Variants in ST6GALNAC5 observed in about 807,000 individuals in gnomAD.
The protein encoded by ST6GALNAC5 is alpha-N-acetylgalactosaminide alpha-2,6-sialyltransferase 5.
ST6GALNAC5 carries 27 observed loss-of-function variants against 33.6 expected under a neutral mutation model. That is an observed-to-expected ratio of 0.80 (90% CI 0.59 to 1.11). The LOEUF (loss-of-function observed/expected upper bound fraction) is 1.11, where lower values mean the gene tolerates loss of function less well. ST6GALNAC5 is among the 50% of genes least tolerant of loss of function. The pLI is 0.00. For synonymous variants in ST6GALNAC5, 194 were observed against 171.2 expected (o/e 1.13, Z -1.04); for missense variants, 428 against 454.0 (o/e 0.94, Z 0.52).
chr1:76,985,315 A>C (rs1649444576), intron 2 of ST6GALNAC5, among the ~76,000 whole-genome samples: 1 of 152,252 alleles, frequency 6.6e-6, no homozygotes, highest in Admixed American at 6.5e-5. Context: ...CTTCAGCAAA[A>C]TCTCAGGATA....
intron 2 of ST6GALNAC5, among the ~76,000 whole-genome samples, chr1:76,893,238 G>C (rs1308859310): frequency 6.6e-6 from 1 of 152,078 alleles, no homozygotes; most frequent in East Asian, 1.9e-4. Context: ...AAAGAGGAAG[G>C]GTGTGCAGGA....
chr1:76,876,864 G>A (rs1653652448), intron 2 of ST6GALNAC5, among the ~76,000 whole-genome samples: 1 of 152,142 alleles, frequency 6.6e-6, no homozygotes, highest in Admixed American at 6.5e-5. Context: ...CTGATCATAG[G>A]GAACTCCCCA....
intron 2 of ST6GALNAC5, among the ~76,000 whole-genome samples, chr1:76,976,463 T>C (rs909637092): frequency 6.6e-6 from 1 of 152,180 alleles, no homozygotes; most frequent in African/African-American, 2.4e-5. Context: ...TTATTTGTCT[T>C]GGCTCAGAAA....
Position 77,026,528 on chromosome 1 carries a change from C to T in ST6GALNAC5, c.262-17676C>T, listed in dbSNP as rs1156788211. On this transcript the variant is annotated intron_variant, in intron 2 of 4. Coordinates refer to ENST00000477717, the MANE Select transcript of ST6GALNAC5 (RefSeq NM_030965.3). ...GAGGGGTTCAGAGGGCTAAGCTTAC[C>T]AACCCCCCAGAAGAGGGGACACATA... 2.9e-5 allele frequency among the ~76,000 whole-genome samples: 4 copies of T among 139,534 alleles called. No individual in the cohort carries two copies. In the East Asian group the frequency reaches 7.9e-4, roughly 28 times the overall value. The allele number at this position is 139,534 out of a possible 152,430, so 91.5% of individuals were successfully genotyped here. A position where few individuals can be genotyped will look rare whatever the true frequency, so the allele number is the denominator to read the frequency against.
At chr1:76,959,620 G>C (rs1557737378) in intron 2 of ST6GALNAC5, among the ~76,000 whole-genome samples, 1 of 152,216 alleles carries the variant, frequency 6.6e-6, no homozygotes, top group Non-Finnish European at 1.5e-5. Flanking sequence ...AGTTTCTTAA[G>C]AAAGTTGAGT....
chr1:76,964,912 C>T (rs573816568), intron 2 of ST6GALNAC5, among the ~76,000 whole-genome samples: 229 of 152,258 alleles, frequency 1.5e-3, no homozygotes, highest in Non-Finnish European at 2.6e-3. Flanking sequence ...CCAGCTGCAT[C>T]CATGTCCCTG....
chr1:77,044,481 A>C lies in ST6GALNAC5; in HGVS notation c.539A>C (p.Asp180Ala). Residue 180 changes from aspartate (D) to alanine (A), a missense_variant, in exon 3 of 5, where the codon GAC becomes GCC. Coordinates refer to ENST00000477717, the MANE Select transcript of ST6GALNAC5 (RefSeq NM_030965.3). ...GGCCCCAGCAGCTACATGCGGCGGG[A>C]CGGCAAGGGCCAGGTCTACAACAAC... ...FWGPSSYMRR[D>A]GKGQVYNNLH... The C allele has an allele frequency of 6.2e-7, 1 of 1,613,394 alleles. No individual in the cohort carries two copies. Among genetic ancestry groups the C allele is most frequent in the Non-Finnish European group, 8.5e-7 (1 of 1,179,784 alleles).
intron 2 of ST6GALNAC5, among the ~76,000 whole-genome samples, chr1:76,945,956 A>T (rs1305971073): frequency 2.0e-5 from 3 of 152,106 alleles, no homozygotes; most frequent in Non-Finnish European, 4.4e-5. Context: ...GGCTAAGAGA[A>T]ACCTTGTTCC....
intron 2 of ST6GALNAC5, among the ~76,000 whole-genome samples, chr1:76,963,480 T>A (rs145976394): frequency 6.6e-6 from 1 of 152,268 alleles, no homozygotes; most frequent in East Asian, 1.9e-4. Flanking sequence ...CTGAGCAACA[T>A]GGGGACTAAG....
intron 2 of ST6GALNAC5, among the ~76,000 whole-genome samples, chr1:76,955,461 T>G (rs150889443): frequency 6.6e-6 from 1 of 152,310 alleles, no homozygotes; most frequent in East Asian, 1.9e-4. Context: ...AGTTGCTATA[T>G]GTGTTTACAT....
intron 2 of ST6GALNAC5, among the ~76,000 whole-genome samples, chr1:76,891,979 T>G (rs1347895503): frequency 6.6e-6 from 1 of 152,204 alleles, no homozygotes; most frequent in Non-Finnish European, 1.5e-5. Context: ...TGGAAATGAT[T>G]ATCACGGGCC....
intron 2 of ST6GALNAC5, among the ~76,000 whole-genome samples, chr1:76,896,185 T>G (rs1654129253): frequency 1.3e-5 from 2 of 152,156 alleles, no homozygotes; most frequent in Admixed American, 1.3e-4. Context: ...AAGAAATGAC[T>G]ATGGTGGCCT....
chr1:76,981,738 G>A lies in ST6GALNAC5; in HGVS notation c.262-62466G>A, dbSNP rs189419715. The stretch of plus-strand genomic sequence containing the variant: ...AACTGGGAGACACCTCCCAGTAGGG[G>A]CCAACAGACACCTCATATAGGTGGC... On this transcript the variant is annotated intron_variant, in intron 2 of 4. Transcript: ENST00000477717. Among the ~76,000 whole-genome samples, 189 of 152,274 alleles carry A rather than the reference G, an allele frequency of 1.2e-3. 2 individuals carry two copies. The highest frequency in any genetic ancestry group is 4.5e-3 in the African/African-American group (186 of 41,576).
chr1:77,063,107 T>C lies in ST6GALNAC5; in HGVS notation c.912T>C (p.Phe304=). The change falls in exon 5 of 5, where the codon TTT becomes TTC. Residue 304 remains phenylalanine, a synonymous_variant. Transcript: ENST00000477717. ...GCTTTATCACAGAGAAACGAGTCTT[T>C]AAGAACTGGGCACGGACATTCAATA... ...HHRFITEKRV[F]KNWARTFNIH... 6.2e-7 allele frequency: 1 copy of C among 1,613,928 alleles called. No homozygotes were observed. Among genetic ancestry groups the C allele is most frequent in the Non-Finnish European group, 8.5e-7 (1 of 1,179,880 alleles).
chr1:76,968,437 A>G (rs1178770527), intron 2 of ST6GALNAC5, among the ~76,000 whole-genome samples: 1 of 152,056 alleles, frequency 6.6e-6, no homozygotes, highest in African/African-American at 2.4e-5. Flanking sequence ...TGCTTGGTAG[A>G]TCTTCCTCCA....
At chr1:76,959,585 C>T (rs1212586776) in intron 2 of ST6GALNAC5, among the ~76,000 whole-genome samples, 1 of 152,204 alleles carries the variant, frequency 6.6e-6, no homozygotes, top group Non-Finnish European at 1.5e-5. Context: ...GCAGAGTGGA[C>T]AGGACCAGGG....
At chr1:77,027,151 G>C (rs147403695) in intron 2 of ST6GALNAC5, among the ~76,000 whole-genome samples, 1 of 152,188 alleles carries the variant, frequency 6.6e-6, no homozygotes, top group Non-Finnish European at 1.5e-5. Context: ...ATCCTTTCAC[G>C]GTTCTGTAAT....
chr1:77,041,430 T>A (rs1334698459), intron 2 of ST6GALNAC5, among the ~76,000 whole-genome samples: 1 of 152,174 alleles, frequency 6.6e-6, no homozygotes, highest in Non-Finnish European at 1.5e-5. Context: ...TGGCAATTAG[T>A]TTTGCGCTAA....
chr1:76,963,247 A>G (rs1029352883), intron 2 of ST6GALNAC5, among the ~76,000 whole-genome samples: 2 of 152,220 alleles, frequency 1.3e-5, no homozygotes, highest in African/African-American at 4.8e-5. Context: ...TATTTTTTCC[A>G]GCTAGAAAAT....
Sources: gnomAD v4.1 joint callset for allele counts (sites outside exome capture counted in the v4.1 genomes callset) on GRCh38, gnomAD v4.1.1 for gene constraint, MANE v1.5 for transcripts, NCBI Gene and HGNC (gene_info 2026-07-23, HGNC 2026-07-21) for gene names.